AKAP19: variants seen among roughly 807,000 people sequenced by gnomAD.
AKAP19 encodes A-kinase anchoring protein 19.
the AKAP19 span, among the ~76,000 whole-genome samples, chr2:189,918,001 A>G: frequency 1.3e-4 from 20 of 151,980 alleles, no homozygotes; most frequent in Non-Finnish European, 1.0e-4. Context: ...TATATATTAC[A>G]TTATATATAC....
the AKAP19 span, among the ~76,000 whole-genome samples, chr2:189,992,544 G>A: frequency 2.6e-5 from 4 of 151,358 alleles, no homozygotes; most frequent in East Asian, 1.9e-4. Context: ...GATTTTTTTT[G>A]TAGTTCTGTG....
At chr2:189,977,078 A>G in the AKAP19 span, among the ~76,000 whole-genome samples, 2 of 152,290 alleles carry the variant, frequency 1.3e-5, no homozygotes, top group East Asian at 3.9e-4. Context: ...TCACGCTGGG[A>G]GCTGTAGACT....
At chr2:190,142,923 T>C in the AKAP19 span, among the ~76,000 whole-genome samples, 10 of 152,198 alleles carry the variant, frequency 6.6e-5, no homozygotes, top group African/African-American at 2.4e-4. Context: ...CCTTTATGGG[T>C]TTCCTTAACC....
the AKAP19 span, among the ~76,000 whole-genome samples, chr2:190,122,205 C>G: frequency 1.3e-5 from 2 of 152,176 alleles, no homozygotes; most frequent in Non-Finnish European, 2.9e-5. Context: ...TGCATTCATT[C>G]TAGGCCATTG....
chr2:189,982,912 A>G, the AKAP19 span, among the ~76,000 whole-genome samples: 2 of 151,974 alleles, frequency 1.3e-5, no homozygotes, highest in Non-Finnish European at 2.9e-5. Flanking sequence ...TCTCAGGAAG[A>G]TTATGGACTA....
At chr2:190,014,349 G>A in the AKAP19 span, among the ~76,000 whole-genome samples, 1 of 152,124 alleles carries the variant, frequency 6.6e-6, no homozygotes, top group Admixed American at 6.6e-5. Context: ...ATGGCAGCAG[G>A]TGAGAGCAAG....
the AKAP19 span, among the ~76,000 whole-genome samples, chr2:189,996,477 G>A: frequency 6.6e-6 from 1 of 151,942 alleles, no homozygotes; most frequent in Non-Finnish European, 1.5e-5. Context: ...TTTCTCTGGA[G>A]CATTTTTCAT....
the AKAP19 span, among the ~76,000 whole-genome samples, chr2:190,091,724 C>T: frequency 6.6e-6 from 1 of 152,096 alleles, no homozygotes; most frequent in Non-Finnish European, 1.5e-5. Flanking sequence ...CTTTCAACTA[C>T]AGAATTTTAG....
the AKAP19 span, among the ~76,000 whole-genome samples, chr2:189,984,920 A>G: frequency 6.6e-6 from 1 of 152,052 alleles, no homozygotes; most frequent in Non-Finnish European, 1.5e-5. Context: ...GTACACAAGC[A>G]GAGTGGCACC....
At chr2:190,108,611 A>T in the AKAP19 span, among the ~76,000 whole-genome samples, 22 of 152,200 alleles carry the variant, frequency 1.4e-4, no homozygotes, top group African/African-American at 5.1e-4. Context: ...TTCAGGGGCA[A>T]TGAGTATGAG....
the AKAP19 span, among the ~76,000 whole-genome samples, chr2:190,054,088 G>GA: frequency 6.6e-6 from 1 of 151,900 alleles, no homozygotes; most frequent in Non-Finnish European, 1.5e-5. Flanking sequence ...TAAGTGGTAA[G>GA]AAAAAAATGT....
At chr2:190,078,892 TTAAA>T in the AKAP19 span, among the ~76,000 whole-genome samples, 5 of 152,082 alleles carry the variant, frequency 3.3e-5, no homozygotes, top group African/African-American at 1.2e-4. Flanking sequence ...CTATTAGAAA[TTAAA>T]TAAGTTATAG....
the AKAP19 span, among the ~76,000 whole-genome samples, chr2:190,040,847 T>C: frequency 2.0e-5 from 3 of 152,178 alleles, no homozygotes; most frequent in African/African-American, 4.8e-5. Flanking sequence ...TTGGCCTTAT[T>C]TCTGGGCTCT....
the AKAP19 span, chr2:190,189,831 G>A: frequency 6.6e-6 from 1 of 152,128 alleles, no homozygotes; most frequent in African/African-American, 2.4e-5. Context: ...CCTTGAACTG[G>A]CAACTGGAAG....
chr2:189,901,400 G>A, the AKAP19 span, among the ~76,000 whole-genome samples: 4 of 152,032 alleles, frequency 2.6e-5, no homozygotes, highest in Non-Finnish European at 4.4e-5. Flanking sequence ...ATGCAGTGGC[G>A]TGACCTTGGC....
chr2:189,898,128 G>A, the AKAP19 span, among the ~76,000 whole-genome samples: 1 of 151,962 alleles, frequency 6.6e-6, no homozygotes, highest in Non-Finnish European at 1.5e-5. Flanking sequence ...TTGAGCCCTG[G>A]GAGGTTGAGG....
the AKAP19 span, among the ~76,000 whole-genome samples, chr2:190,038,925 C>CTTTCTTTCT: frequency 1.5e-5 from 2 of 133,250 alleles, no homozygotes; most frequent in African/African-American, 6.5e-5. Context: ...TCTTCTTCTT[C>CTTTCTTTCT]TTCTTCTTCT....
At chr2:190,200,383 T>C in the AKAP19 span, 2 of 459,730 alleles carry the variant, frequency 4.4e-6, no homozygotes, top group Non-Finnish European at 8.1e-6. Flanking sequence ...AGAGGTCCTG[T>C]GACACCCAAT....
the AKAP19 span, among the ~76,000 whole-genome samples, chr2:190,004,112 A>G: frequency 3.4e-5 from 5 of 147,978 alleles, no homozygotes; most frequent in Admixed American, 2.0e-4. Context: ...ACTCTAGTGG[A>G]AAATTCTATT....
Sources: gnomAD v4.1 joint callset for allele counts (sites outside exome capture counted in the v4.1 genomes callset) on GRCh38, gnomAD v4.1.1 for gene constraint, MANE v1.5 for transcripts, NCBI Gene and HGNC (gene_info 2026-07-23, HGNC 2026-07-21) for gene names.